ARHGAP31: variants seen among roughly 807,000 people sequenced by gnomAD.
The protein encoded by ARHGAP31 is rho GTPase-activating protein 31.
In ARHGAP31, 34 loss-of-function variants were observed where a neutral mutation model predicts 113.9. That is an observed-to-expected ratio of 0.30 (90% CI 0.23 to 0.40). The LOEUF is 0.40. ARHGAP31 is among the 10% of genes least tolerant of loss of function. ARHGAP31 has a pLI of 1.00. For missense variants in ARHGAP31, 1,548 were observed against 1,767.1 expected, an observed-to-expected ratio of 0.88 and a Z score of 2.22; for synonymous variants, 650 against 684.8, an observed-to-expected ratio of 0.95 and a Z score of 0.79.
intron 8 of ARHGAP31, among the ~76,000 whole-genome samples, chr3:119,396,459 G>T (rs2080551684): frequency 6.6e-6 from 1 of 152,202 alleles, no homozygotes; most frequent in Non-Finnish European, 1.5e-5. Flanking sequence ...GCTCCCTGTG[G>T]CCTTAACTAT....
chr3:119,416,406 C>G lies in ARHGAP31; in HGVS notation c.*142C>G. ...ACTTCTCTTTCTTCAGCCTTTTGAC[C>G]ACTTATTAATTAGTCCATTTGCTAG... On this transcript the variant is annotated 3_prime_UTR_variant, in exon 12 of 12. Transcript: ENST00000264245. 8.3e-7 allele frequency: 1 copy of G among 1,211,286 alleles called. No homozygotes were observed. The highest frequency in any genetic ancestry group is 1.2e-6 in the Non-Finnish European group (1 of 849,508). The allele number at this position is 1,211,286 out of a possible 1,614,324, so 75.0% of individuals were successfully genotyped here.
At chr3:119,349,720 C>A (rs561606274) in intron 1 of ARHGAP31, among the ~76,000 whole-genome samples, 1 of 152,142 alleles carries the variant, frequency 6.6e-6, no homozygotes, top group Non-Finnish European at 1.5e-5. Context: ...CCCCATGAGC[C>A]GCTCCCAAAT....
chr3:119,369,624 G>T (rs916997860), intron 3 of ARHGAP31, among the ~76,000 whole-genome samples: 1 of 152,116 alleles, frequency 6.6e-6, no homozygotes, highest in African/African-American at 2.4e-5. Context: ...AAATGGGCTT[G>T]GGCTGTAAAA....
chr3:119,332,354 C>T (rs2079898372), intron 1 of ARHGAP31, among the ~76,000 whole-genome samples: 1 of 152,052 alleles, frequency 6.6e-6, no homozygotes. Context: ...CGCCCGACAC[C>T]ATGCCTGGCT....
chr3:119,337,328 C>T (rs1246905423), intron 1 of ARHGAP31, among the ~76,000 whole-genome samples: 4 of 152,048 alleles, frequency 2.6e-5, no homozygotes, highest in East Asian at 3.8e-4. Flanking sequence ...ATAAAGTTGG[C>T]GCGTCCAGAG....
chr3:119,321,278 AC>A (rs1559965768), intron 1 of ARHGAP31, among the ~76,000 whole-genome samples: 23 of 118,740 alleles, frequency 1.9e-4, no homozygotes, highest in East Asian at 7.0e-4. Context: ...ATATATATAT[AC>A]TATATATATA....
At chr3:119,323,985 A>G (rs1473768064) in intron 1 of ARHGAP31, among the ~76,000 whole-genome samples, 1 of 152,144 alleles carries the variant, frequency 6.6e-6, no homozygotes, top group African/African-American at 2.4e-5. Context: ...ACACTCGTAA[A>G]TGAAAAAGAA....
chr3:119,353,681 CA>C (rs2080130737), intron 1 of ARHGAP31, among the ~76,000 whole-genome samples: 1 of 151,222 alleles, frequency 6.6e-6, no homozygotes, highest in Non-Finnish European at 1.5e-5. Context: ...CCAGCTGCTC[CA>C]GAGGCTGAGG....
At chr3:119,319,428 T>G (rs1354002446) in intron 1 of ARHGAP31, among the ~76,000 whole-genome samples, 1 of 152,178 alleles carries the variant, frequency 6.6e-6, no homozygotes, top group Non-Finnish European at 1.5e-5. Flanking sequence ...TCTTTTATTT[T>G]TGTGGAAAAT....
rs1452820961 is a variant in ARHGAP31 at position 119,339,607 on chromosome 3, T to C, written c.101-25709T>C. 2.6e-5 allele frequency among the ~76,000 whole-genome samples: 4 copies of C among 152,158 alleles called. No individual in the cohort carries two copies. In the East Asian group the frequency reaches 7.7e-4, roughly 29 times the overall value. On this transcript the variant is annotated intron_variant, in intron 1 of 11. Transcript: ENST00000264245. ...CATTAACTCCCTCCGACCCGCCGCA[T>C]CTCCGACCCCACACAAGTACAACCA...
At position 119,415,248 on chromosome 3, in the gene ARHGAP31, C is replaced by T. The variant is rs2080763762; in HGVS notation, c.3319C>T (p.Leu1107Phe). The change falls in exon 12 of 12, where the codon CTC becomes TTC. Residue 1107 changes from leucine (L) to phenylalanine (F), a missense_variant. Transcript: ENST00000264245. ...AAAAGGGAAAAACAGGCCTTCTTCC[C>T]TCAACTTGGACCCTGCCATTCCCAT... ...PPKGKNRPSS[L>F]NLDPAIPIAD... 1.2e-6 allele frequency: 2 copies of T among 1,614,086 alleles called. No homozygotes were observed. Among genetic ancestry groups the T allele is most frequent in the East Asian group, 2.2e-5 (1 of 44,894 alleles).
At chr3:119,350,328 C>T (rs1195695655) in intron 1 of ARHGAP31, among the ~76,000 whole-genome samples, 1 of 152,148 alleles carries the variant, frequency 6.6e-6, no homozygotes, top group African/African-American at 2.4e-5. Flanking sequence ...TGAAAGGATG[C>T]TGGTGTGGGG....
At chr3:119,295,702 G>C (rs1055965929) in intron 1 of ARHGAP31, among the ~76,000 whole-genome samples, 1 of 144,302 alleles carries the variant, frequency 6.9e-6, no homozygotes, top group Admixed American at 6.9e-5. Flanking sequence ...TTTTTAAATA[G>C]TTTAGGGTAA....
At position 119,409,568 on chromosome 3, in the gene ARHGAP31, G is replaced by C. The variant is rs767411156; in HGVS notation, c.1718G>C (p.Ser573Thr). 2 of 1,614,204 alleles carry C rather than the reference G, an allele frequency of 1.2e-6. No homozygotes were observed. Among genetic ancestry groups the C allele is most frequent in the South Asian group, 2.2e-5 (2 of 91,084 alleles). The stretch of plus-strand genomic sequence containing the variant: ...GAAGCACCGGGGACAGTGGAATGCA[G>C]CAAAGGCCTGTCCCAGGAGCCAGGC... Reference protein sequence around the residue: ...VPEAPGTVECSKGLSQEPGAH... With the variant: ...VPEAPGTVECTKGLSQEPGAH... Residue 573 changes from serine to threonine, a missense_variant, in exon 11 of 12, where the codon AGC becomes ACC. Physicochemically the swap from Ser to Thr is moderately conservative, Grantham distance 58 (BLOSUM62 1). Transcript: ENST00000264245.
intron 5 of ARHGAP31, 62 bp from the exon 6 acceptor site, chr3:119,383,022 C>T (rs767966504): frequency 6.2e-7 from 1 of 1,602,256 alleles, no homozygotes; most frequent in Non-Finnish European, 8.5e-7. Flanking sequence ...CCACTGGCTC[C>T]TCTTGCTGCT....
rs936210048 is a variant in ARHGAP31, at chr3:119,382,157, C to T, written c.432-135C>T. On this transcript the variant is annotated intron_variant, in intron 4 of 11. Transcript: ENST00000264245. ...AGAAAATTACTTCTGTCAATCTTGACATCTTTCCAATGTCAATTCATTAAA... is the reference window on the plus strand; with the variant it reads ...AGAAAATTACTTCTGTCAATCTTGATATCTTTCCAATGTCAATTCATTAAA... 9 of 950,948 alleles carry T rather than the reference C, an allele frequency of 9.5e-6. No individual in the cohort carries two copies. The African/African-American group carries it at 1.5e-4, about 16-fold the overall frequency. 58.9% of individuals were successfully genotyped at this position (950,948 alleles called of 1,614,324 possible).
chr3:119,372,081 C>G (rs549727085), intron 3 of ARHGAP31, among the ~76,000 whole-genome samples: 2 of 152,042 alleles, frequency 1.3e-5, no homozygotes, highest in African/African-American at 4.8e-5. Context: ...CGTGTGCATG[C>G]GTCTTACGGT....
At chr3:119,303,197 T>G (rs2079600436) in intron 1 of ARHGAP31, among the ~76,000 whole-genome samples, 1 of 152,246 alleles carries the variant, frequency 6.6e-6, no homozygotes, top group Non-Finnish European at 1.5e-5. Context: ...ATGCAGCAGT[T>G]GATTCATTGA....
chr3:119,393,679 A>G lies in ARHGAP31; in HGVS notation c.1006+88A>G. On this transcript the variant is annotated intron_variant, in intron 8 of 11. Transcript: ENST00000264245. ...TCTTTGGTTTGATCATATCAAACACACTAGCTCTGAAAGAGAAACTTATAA... is the reference window on the plus strand; with the variant it reads ...TCTTTGGTTTGATCATATCAAACACGCTAGCTCTGAAAGAGAAACTTATAA... 7 of 1,508,628 alleles carry G rather than the reference A, an allele frequency of 4.6e-6. No homozygotes were observed. In the South Asian group the frequency reaches 8.1e-5, roughly 18 times the overall value. 93.5% of individuals were successfully genotyped at this position (1,508,628 alleles called of 1,614,324 possible).
Sources: gnomAD v4.1 joint callset for allele counts (sites outside exome capture counted in the v4.1 genomes callset) on GRCh38, gnomAD v4.1.1 for gene constraint, MANE v1.5 for transcripts, NCBI Gene and HGNC (gene_info 2026-07-23, HGNC 2026-07-21) for gene names.